The following CDH13 variants were observed in gnomAD, a reference collection of about 807,000 sequenced individuals.
CDH13 encodes the protein cadherin 13.
In CDH13, 24 loss-of-function variants were observed where a neutral mutation model predicts 63.8. The ratio of observed to expected loss-of-function variants is 0.38; its 90% CI spans 0.27 to 0.53. CDH13 has a LOEUF of 0.53. Ranked by LOEUF, CDH13 falls within the 20% of genes least tolerant of loss-of-function variation. The pLI, the probability that CDH13 is intolerant of heterozygous loss-of-function variation, is 0.85. For synonymous variants in CDH13, 503 were observed against 355.3 expected (o/e 1.42, Z -4.67); for missense variants, 1,049 against 903.1 (o/e 1.16, Z -2.07).
At chr16:82,684,028 C>T (rs1391695000) in intron 1 of CDH13, among the ~76,000 whole-genome samples, 2 of 152,222 alleles carry the variant, frequency 1.3e-5, no homozygotes, top group African/African-American at 4.8e-5. Flanking sequence ...CTGTCTACCC[C>T]TTCCCAAGGA....
At chr16:82,966,194 G>T (rs1907787609) in intron 2 of CDH13, among the ~76,000 whole-genome samples, 1 of 152,218 alleles carries the variant, frequency 6.6e-6, no homozygotes. Flanking sequence ...TGTCGCCCAG[G>T]CTGGAGTGCA....
intron 3 of CDH13, among the ~76,000 whole-genome samples, chr16:83,055,694 A>C (rs929090890): frequency 6.6e-6 from 1 of 152,078 alleles, no homozygotes; most frequent in African/African-American, 2.4e-5. Flanking sequence ...CACTAATCTT[A>C]TGCAAACTCT....
In CDH13 at chr16:82,627,009, C is replaced by G. The variant is rs1431475051; in HGVS notation, c.-84C>G. The G allele has an allele frequency of 1.3e-6, 2 of 1,498,722 alleles. No individual in the cohort carries two copies. Among genetic ancestry groups the G allele is most frequent in the Non-Finnish European group, 1.8e-6 (2 of 1,098,608 alleles). 92.8% of individuals were successfully genotyped at this position (1,498,722 alleles called of 1,614,324 possible). On this transcript the variant is annotated 5_prime_UTR_variant, in exon 1 of 14. Coordinates refer to ENST00000567109, the MANE Select transcript of CDH13 (RefSeq NM_001257.5). The stretch of plus-strand genomic sequence containing the variant: ...TGGCTGGCGAGGCAGAGCCTCTCCT[C>G]AAAGCCTGGCTCCCACGGAAAATAT...
At chr16:83,235,582 G>GGT (rs376494871) in intron 5 of CDH13, among the ~76,000 whole-genome samples, 11 of 140,446 alleles carry the variant, frequency 7.8e-5, no homozygotes, top group South Asian at 2.2e-4. Flanking sequence ...ATGTGGTGGT[G>GGT]TTTTTTTTTT....
intron 3 of CDH13, among the ~76,000 whole-genome samples, chr16:83,083,901 A>G (rs536627171): frequency 6.6e-6 from 1 of 152,322 alleles, no homozygotes; most frequent in African/African-American, 2.4e-5. Context: ...TCAATTTTAA[A>G]TAATCAAGAA....
chr16:83,154,147 C>T (rs7194770), intron 4 of CDH13, among the ~76,000 whole-genome samples: 23,397 of 152,094 alleles, frequency 0.15, 1,891 homozygotes, highest in South Asian at 0.22. Flanking sequence ...GACCATGCTA[C>T]GGTTCTGCCA....
At chr16:83,164,983 C>T (rs1002705403) in intron 4 of CDH13, among the ~76,000 whole-genome samples, 4 of 151,774 alleles carry the variant, frequency 2.6e-5, no homozygotes, top group African/African-American at 7.3e-5. Flanking sequence ...ATCCAGGCAG[C>T]CTGGCTCCAA....
chr16:83,668,230 T>C (rs1218412266), intron 8 of CDH13, among the ~76,000 whole-genome samples: 1 of 152,162 alleles, frequency 6.6e-6, no homozygotes, highest in Non-Finnish European at 1.5e-5. Flanking sequence ...CTTCCTATAC[T>C]TAAGATCATT....
chr16:83,107,981 C>A (rs1473725646), intron 3 of CDH13, among the ~76,000 whole-genome samples: 1 of 151,944 alleles, frequency 6.6e-6, no homozygotes, highest in Non-Finnish European at 1.5e-5. Flanking sequence ...ACCACAGCCA[C>A]CCAGCTAATT....
intron 5 of CDH13, among the ~76,000 whole-genome samples, chr16:83,256,598 G>A (rs1014866705): frequency 6.6e-6 from 1 of 151,046 alleles, no homozygotes; most frequent in African/African-American, 2.4e-5. Context: ...TTGGGAGGCT[G>A]AGGCGGGCGA....
chr16:82,679,770 C>G (rs1914342075), intron 1 of CDH13, among the ~76,000 whole-genome samples: 1 of 152,288 alleles, frequency 6.6e-6, no homozygotes, highest in East Asian at 1.9e-4. Flanking sequence ...CATCTGTTAC[C>G]TGTGTAACTG....
At chr16:83,474,872 G>A (rs980634958) in intron 6 of CDH13, among the ~76,000 whole-genome samples, 2 of 152,182 alleles carry the variant, frequency 1.3e-5, no homozygotes, top group African/African-American at 4.8e-5. Context: ...ACCCCATAGG[G>A]AAACAACCGC....
At chr16:83,606,331 C>T (rs762607713) in intron 8 of CDH13, among the ~76,000 whole-genome samples, 1 of 152,140 alleles carries the variant, frequency 6.6e-6, no homozygotes, top group Admixed American at 6.5e-5. Flanking sequence ...GAGATGTATC[C>T]TTTTATCTGT....
At chr16:82,871,956 A>T (rs1453831817) in intron 2 of CDH13, among the ~76,000 whole-genome samples, 1 of 152,216 alleles carries the variant, frequency 6.6e-6, no homozygotes, top group East Asian at 1.9e-4. Context: ...TCCTTGGACC[A>T]ACTTGGTTTA....
chr16:83,498,261 C>A (rs1320840913), intron 7 of CDH13, among the ~76,000 whole-genome samples: 1 of 152,144 alleles, frequency 6.6e-6, no homozygotes, highest in African/African-American at 2.4e-5. Context: ...GCCAGATGGA[C>A]TTGTTCACAC....
intron 1 of CDH13, among the ~76,000 whole-genome samples, chr16:82,647,259 A>G (rs988590600): frequency 7.2e-5 from 11 of 152,218 alleles, no homozygotes; most frequent in Admixed American, 1.3e-4. Flanking sequence ...GCCTCAGAAA[A>G]TAGAAGCTGG....
intron 6 of CDH13, among the ~76,000 whole-genome samples, chr16:83,483,466 CT>C (rs11327354): frequency 0.73 from 106,576 of 146,996 alleles, 38,999 homozygotes; most frequent in East Asian, 0.88. Context: ...CCTGAAAGGT[CT>C]TTTTTTTTTT....
chr16:83,395,924 A>C (rs965644428), intron 6 of CDH13, among the ~76,000 whole-genome samples: 45 of 152,136 alleles, frequency 3.0e-4, no homozygotes, highest in African/African-American at 1.0e-3. Flanking sequence ...AATATTCAGT[A>C]GTTATTTTTC....
rs1055412475 is a variant in CDH13, at chr16:83,717,444, CCA to C, written c.1539-30662_1539-30661del. ...TCACCGCACGTGAAAGTCCCTGTCT[CCA>C]CTTTCTTCTGTCTCAGGAAACAGGC... On this transcript the variant is annotated intron_variant, in intron 10 of 13. Coordinates refer to ENST00000567109, the MANE Select transcript of CDH13 (RefSeq NM_001257.5). 1.1e-3 allele frequency among the ~76,000 whole-genome samples: 160 copies of C among 152,338 alleles called. 1 individual carries two copies. The highest frequency in any genetic ancestry group is 3.7e-3 in the African/African-American group (154 of 41,562).
Sources: allele counts gnomAD v4.1 joint callset (sites outside exome capture counted in the v4.1 genomes callset), GRCh38; gene constraint gnomAD v4.1.1; transcripts MANE v1.5; gene names NCBI Gene and HGNC (gene_info 2026-07-23, HGNC 2026-07-21).